SLC22A23: variants seen among roughly 807,000 people sequenced by gnomAD.
The protein encoded by SLC22A23 is ion transporter protein.
SLC22A23 carries 26 observed loss-of-function variants against 61.0 expected under a neutral mutation model. The ratio of observed to expected loss-of-function variants is 0.43; its 90% CI spans 0.31 to 0.59. SLC22A23 has a LOEUF of 0.59. Among genes scored for constraint, SLC22A23 ranks in the 20% least tolerant of loss-of-function variants. The pLI is 0.11. For missense variants in SLC22A23, 796 were observed against 934.7 expected (o/e 0.85, Z 1.94); for synonymous variants, 430 against 413.9 (o/e 1.04, Z -0.47).
chr6:3,444,726 T>C (rs1771795113), intron 1 of SLC22A23: 2 of 903,350 alleles, frequency 2.2e-6, no homozygotes, highest in African/African-American at 1.8e-5. Flanking sequence ...TGTTTTCAGG[T>C]TGGAACTTAG....
chr6:3,417,612 G>C lies in SLC22A23; in HGVS notation c.655-1757C>G, dbSNP rs576880506. 1.4e-4 allele frequency among the ~76,000 whole-genome samples: 21 copies of C among 152,310 alleles called. No homozygotes were observed. The South Asian group carries it at 4.1e-3, about 30-fold the overall frequency. On this transcript the variant is annotated intron_variant, in intron 1 of 9. Transcript: ENST00000406686. Reference sequence around the variant, plus strand: ...GACTAGTTAGAAAAGGCAAGTTCTTGGGCCCCATCCCAGGCCCACTGAATG... The same window carrying C: ...GACTAGTTAGAAAAGGCAAGTTCTTCGGCCCCATCCCAGGCCCACTGAATG...
intron 3 of SLC22A23, among the ~76,000 whole-genome samples, chr6:3,395,807 C>G (rs1002034786): frequency 2.6e-5 from 4 of 152,198 alleles, no homozygotes; most frequent in African/African-American, 9.6e-5. Context: ...CATCTTTCTC[C>G]TATTCAACCC....
chr6:3,284,900 G>C, intron 8 of SLC22A23, 179 bp downstream of exon 8: 2 of 1,537,460 alleles, frequency 1.3e-6, no homozygotes, highest in African/African-American at 1.4e-5. Flanking sequence ...CTAGAGGCAA[G>C]AGGGAGAATA....
intron 1 of SLC22A23, among the ~76,000 whole-genome samples, chr6:3,435,132 A>AG (rs371710555): frequency 9.9e-4 from 150 of 152,230 alleles, no homozygotes; most frequent in African/African-American, 3.4e-3. Context: ...GCTGGGATTC[A>AG]GGCTGCTGGG....
intron 3 of SLC22A23, among the ~76,000 whole-genome samples, chr6:3,364,135 A>G (rs1765654504): frequency 6.6e-6 from 1 of 152,238 alleles, no homozygotes. Context: ...AAGGTAATAG[A>G]AAGCTCATTA....
chr6:3,401,828 G>A lies in SLC22A23; in HGVS notation c.913+8360C>T, dbSNP rs929387316. 2.0e-5 allele frequency among the ~76,000 whole-genome samples: 3 copies of A among 152,258 alleles called. No individual in the cohort carries two copies. In the South Asian group the frequency reaches 6.2e-4, roughly 32 times the overall value. ...TTGCTACCTTCATCCTGAGGACACG[G>A]GGGCCTTGCTCCTGAACTTCTGAAT... On this transcript the variant is annotated intron_variant, in intron 3 of 9. Transcript: ENST00000406686.
intron 1 of SLC22A23, among the ~76,000 whole-genome samples, chr6:3,428,995 C>T (rs945431350): frequency 2.0e-4 from 28 of 139,176 alleles, no homozygotes; most frequent in Admixed American, 8.8e-4. Context: ...TATTTGGCTT[C>T]GGAAACCCTC....
Position 3,386,758 on chromosome 6 carries a change from C to T in SLC22A23, c.913+23430G>A, listed in dbSNP as rs1270555003. ...GAGGCGGCAGTGGGACTGGGTCTCC[C>T]ACCCAGGGCACCACTGGAAGGACAT... On this transcript the variant is annotated intron_variant, in intron 3 of 9. Transcript: ENST00000406686. The surrounding 1 kb of genome is among the most constrained non-coding windows in gnomAD (Gnocchi z 4.4). Among the ~76,000 whole-genome samples the T allele has an allele frequency of 2.0e-5, 3 of 152,218 alleles. No individual in the cohort carries two copies. Among genetic ancestry groups the T allele is most frequent in the Admixed American group, 1.3e-4 (2 of 15,290 alleles).
chr6:3,289,626 G>C, intron 6 of SLC22A23, 138 bp downstream of exon 6: 1 of 695,690 alleles, frequency 1.4e-6, no homozygotes, highest in Non-Finnish European at 2.4e-6. Flanking sequence ...ATATCTTCTA[G>C]CCCGTGTCAC....
chr6:3,346,886 CT>C (rs1300433609), intron 3 of SLC22A23, among the ~76,000 whole-genome samples: 3 of 152,142 alleles, frequency 2.0e-5, no homozygotes, highest in Admixed American at 1.3e-4. Flanking sequence ...CATATACCCC[CT>C]AGTAGCATCT....
At chr6:3,362,326 C>T (rs910152338) in intron 3 of SLC22A23, among the ~76,000 whole-genome samples, 4 of 149,302 alleles carry the variant, frequency 2.7e-5, no homozygotes, top group African/African-American at 9.9e-5. Flanking sequence ...TCGCTTGAAT[C>T]CGGGAGGCAG....
chr6:3,376,361 G>A (rs573510326), intron 3 of SLC22A23, among the ~76,000 whole-genome samples: 1 of 152,240 alleles, frequency 6.6e-6, no homozygotes, highest in South Asian at 2.1e-4. Flanking sequence ...CTCCTCTGAA[G>A]TTGACCTTTC....
At chr6:3,312,334 A>C (rs1762408746) in intron 4 of SLC22A23, 1 of 152,222 alleles carries the variant, frequency 6.6e-6, no homozygotes, top group Admixed American at 6.5e-5. Context: ...AGGCTGCAGA[A>C]AATATAAGGC....
chr6:3,279,536 A>AAAAAAAAAAAAAAAAAAAAAAAC, intron 9 of SLC22A23, among the ~76,000 whole-genome samples: 1 of 146,950 alleles, frequency 6.8e-6, no homozygotes, highest in Non-Finnish European at 1.5e-5. Flanking sequence ...AAAAAAAAAA[A>AAAAAAAAAAAAAAAAAAAAAAAC]TCCTTGACAT....
intron 3 of SLC22A23, among the ~76,000 whole-genome samples, chr6:3,405,185 TG>T (rs1341488505): frequency 6.6e-6 from 1 of 151,408 alleles, no homozygotes. Flanking sequence ...CACTTGAACC[TG>T]GGGGGCGGAG....
chr6:3,274,616 C>T (rs924941652), intron 9 of SLC22A23, among the ~76,000 whole-genome samples: 7 of 152,164 alleles, frequency 4.6e-5, no homozygotes, highest in Non-Finnish European at 2.9e-5. Flanking sequence ...TCTTGGTTGG[C>T]ACTATAGGTA....
chr6:3,429,649 A>G (rs1289326431), intron 1 of SLC22A23, among the ~76,000 whole-genome samples: 1 of 152,210 alleles, frequency 6.6e-6, no homozygotes, highest in East Asian at 1.9e-4. Context: ...GCTGAGAGAA[A>G]CTCAAGTGTT....
chr6:3,398,989 A>T (rs1024201910), intron 3 of SLC22A23, among the ~76,000 whole-genome samples: 1 of 152,086 alleles, frequency 6.6e-6, no homozygotes, highest in African/African-American at 2.4e-5. Context: ...TGACCGCACC[A>T]CTGCACTCCA....
At chr6:3,298,053 G>T in intron 5 of SLC22A23, 38 bp downstream of exon 5, 1 of 1,467,324 alleles carries the variant, frequency 6.8e-7, no homozygotes, top group Non-Finnish European at 9.0e-7. Context: ...CTGCCCCGTG[G>T]AGCCTCTCTG....
Sources: allele counts gnomAD v4.1 joint callset (sites outside exome capture counted in the v4.1 genomes callset), GRCh38; gene constraint gnomAD v4.1.1; non-coding constraint Gnocchi (gnomAD v3.1); transcripts MANE v1.5; gene names NCBI Gene and HGNC (gene_info 2026-07-23, HGNC 2026-07-21).